Variants in RAD51B observed in about 807,000 individuals in gnomAD.
The protein encoded by RAD51B is RAD51 paralog B, also known as DNA repair protein RAD51 homolog 2.
In RAD51B, 38 loss-of-function variants were observed where a neutral mutation model predicts 42.2. The observed-to-expected ratio is 0.90, with a 90% confidence interval of 0.70 to 1.18. RAD51B has a LOEUF of 1.18. RAD51B is among the 50% of genes most tolerant of loss of function. The pLI is 0.00. For synonymous variants in RAD51B, 154 were observed against 145.2 expected (o/e 1.06, Z -0.43); for missense variants, 373 against 400.7 (o/e 0.93, Z 0.59).
At chr14:68,193,215 C>T in intron 7 of RAD51B, among the ~76,000 whole-genome samples, 1 of 152,120 alleles carries the variant, frequency 6.6e-6, no homozygotes, top group East Asian at 1.9e-4. Flanking sequence ...ATCTCCATTA[C>T]AATACTTGAC....
At chr14:68,216,863 C>A (rs558608102) in intron 7 of RAD51B, among the ~76,000 whole-genome samples, 1 of 152,250 alleles carries the variant, frequency 6.6e-6, no homozygotes, top group South Asian at 2.1e-4. Flanking sequence ...CCCTGTCCGA[C>A]CCCCCTCTCA....
chr14:68,183,987 G>GT (rs1303548605), intron 7 of RAD51B, among the ~76,000 whole-genome samples: 1 of 151,384 alleles, frequency 6.6e-6, no homozygotes, highest in African/African-American at 2.4e-5. Context: ...AGCTACTCGG[G>GT]GGGGGTGAGG....
At chr14:68,029,285 A>G (rs1370785621) in intron 7 of RAD51B, among the ~76,000 whole-genome samples, 5 of 152,216 alleles carry the variant, frequency 3.3e-5, no homozygotes, top group African/African-American at 4.8e-5. Flanking sequence ...CTAGTCAGCC[A>G]TCTTGTCCTT....
chr14:68,586,304 T>A (rs1890474114), intron 10 of RAD51B, among the ~76,000 whole-genome samples: 1 of 152,194 alleles, frequency 6.6e-6, no homozygotes, highest in Admixed American at 6.5e-5. Context: ...CACTCAGCCT[T>A]GATTCTTGTC....
At chr14:68,606,775 G>A (rs551614297) in intron 10 of RAD51B, among the ~76,000 whole-genome samples, 9 of 152,274 alleles carry the variant, frequency 5.9e-5, no homozygotes, top group South Asian at 2.1e-4. Flanking sequence ...TAACTGAGTC[G>A]GAACTGTACC....
intron 10 of RAD51B, among the ~76,000 whole-genome samples, chr14:68,515,353 C>T (rs186337119): frequency 2.3e-4 from 35 of 151,750 alleles, no homozygotes; most frequent in Admixed American, 2.3e-3. Context: ...AAATGATGGT[C>T]TAACTATGAG....
intron 7 of RAD51B, among the ~76,000 whole-genome samples, chr14:68,053,018 T>G (rs1490966006): frequency 6.6e-6 from 1 of 152,184 alleles, no homozygotes; most frequent in Non-Finnish European, 1.5e-5. Context: ...CAGGTAGCCA[T>G]ATTTATATTT....
intron 7 of RAD51B, among the ~76,000 whole-genome samples, chr14:68,235,530 C>A (rs1012302961): frequency 8.0e-5 from 12 of 150,792 alleles, no homozygotes; most frequent in Non-Finnish European, 1.8e-4. Flanking sequence ...CGGTGAAACC[C>A]CGTCTCTACT....
chr14:67,844,404 T>C (rs2041536888), intron 4 of RAD51B, among the ~76,000 whole-genome samples: 1 of 151,874 alleles, frequency 6.6e-6, no homozygotes, highest in Admixed American at 6.6e-5. Flanking sequence ...CTTGAATTTA[T>C]TAGTTTTCTG....
At chr14:68,231,699 A>G (rs2080153495) in intron 7 of RAD51B, among the ~76,000 whole-genome samples, 1 of 152,252 alleles carries the variant, frequency 6.6e-6, no homozygotes, top group Non-Finnish European at 1.5e-5. Context: ...ACATGTGACC[A>G]TGTTTAATGA....
chr14:68,408,968 GA>G (rs537128277), intron 8 of RAD51B, among the ~76,000 whole-genome samples: 18 of 149,128 alleles, frequency 1.2e-4, no homozygotes, highest in African/African-American at 9.8e-5. Context: ...AATCTATAGA[GA>G]AAAAAAAAAT....
At chr14:67,864,837 C>T (rs1286550071) in intron 4 of RAD51B, 166 bp from the exon 5 acceptor site, 2 of 1,127,760 alleles carry the variant, frequency 1.8e-6, no homozygotes, top group East Asian at 2.7e-5. Context: ...GAAGTTAATT[C>T]ATTCCATACA....
chr14:68,403,477 A>G (rs970029375), intron 8 of RAD51B, among the ~76,000 whole-genome samples: 1 of 152,230 alleles, frequency 6.6e-6, no homozygotes, highest in Non-Finnish European at 1.5e-5. Context: ...CTTTCTCATT[A>G]AGAGCTTTCC....
intron 7 of RAD51B, among the ~76,000 whole-genome samples, chr14:68,050,621 T>C (rs921845996): frequency 3.3e-5 from 5 of 152,174 alleles, no homozygotes; most frequent in South Asian, 2.1e-4. Flanking sequence ...TGCTCACACA[T>C]CGACATGAGT....
intron 10 of RAD51B, among the ~76,000 whole-genome samples, chr14:68,581,960 G>C (rs1890227744): frequency 6.6e-6 from 1 of 152,156 alleles, no homozygotes; most frequent in African/African-American, 2.4e-5. Context: ...GCCATATGCA[G>C]AAAACTGAAA....
At chr14:68,579,535 A>C (rs1890117871) in intron 10 of RAD51B, among the ~76,000 whole-genome samples, 1 of 152,332 alleles carries the variant, frequency 6.6e-6, no homozygotes, top group South Asian at 2.1e-4. Flanking sequence ...TGAACAATGA[A>C]TACTTTTTTT....
At chr14:68,100,905 A>G (rs964434388) in intron 7 of RAD51B, among the ~76,000 whole-genome samples, 5 of 152,214 alleles carry the variant, frequency 3.3e-5, no homozygotes, top group Non-Finnish European at 7.3e-5. Flanking sequence ...TAATGAAGAC[A>G]TACCTGAGAC....
At chr14:68,151,401 T>C (rs1283946108) in intron 7 of RAD51B, among the ~76,000 whole-genome samples, 3 of 152,078 alleles carry the variant, frequency 2.0e-5, no homozygotes, top group African/African-American at 2.4e-5. Context: ...TCTTTGCTTT[T>C]TATGCTTGGG....
At chr14:68,154,995 C>T (rs556307028) in intron 7 of RAD51B, among the ~76,000 whole-genome samples, 28 of 152,214 alleles carry the variant, frequency 1.8e-4, no homozygotes, top group African/African-American at 6.7e-4. Flanking sequence ...ATCTAGTCTT[C>T]CTCCCACTCA....
Sources: gnomAD v4.1 joint callset for allele counts (sites outside exome capture counted in the v4.1 genomes callset) on GRCh38, gnomAD v4.1.1 for gene constraint, MANE v1.5 for transcripts, NCBI Gene and HGNC (gene_info 2026-07-23, HGNC 2026-07-21) for gene names.